The following DHX8 variants were observed in gnomAD, a reference collection of about 807,000 sequenced individuals.
DHX8 encodes ATP-dependent RNA helicase DHX8.
A neutral mutation model predicts 140.7 loss-of-function variants in DHX8; 67 were observed. The ratio of observed to expected loss-of-function variants is 0.48; its 90% CI spans 0.39 to 0.58. DHX8 has a LOEUF of 0.58. Among genes scored for constraint, DHX8 ranks in the 20% least tolerant of loss-of-function variants. The probability of loss-of-function intolerance (pLI) is 0.00; values close to 1 mark genes in which losing one functional copy is unlikely to be tolerated. For synonymous variants in DHX8, 533 were observed against 553.2 expected (o/e 0.96, Z 0.51); for missense variants, 887 against 1,550.7 (o/e 0.57, Z 7.19).
intron 1 of DHX8, among the ~76,000 whole-genome samples, chr17:43,487,778 A>C (rs1278763199): frequency 1.3e-5 from 2 of 151,510 alleles, no homozygotes; most frequent in Non-Finnish European, 3.0e-5. Context: ...GGAGTTCAAG[A>C]CCAGCCTGGC....
chr17:43,492,889 C>T lies in DHX8; in HGVS notation c.712C>T (p.Arg238Trp), dbSNP rs879524424. 1.4e-5 allele frequency: 23 copies of T among 1,614,000 alleles called. No individual in the cohort carries two copies. The highest frequency in any genetic ancestry group is 2.7e-5 in the African/African-American group (2 of 74,910). Reference protein sequence around the residue: ...SQSPPKDRKDRDKYGERNLDR... With the variant: ...SQSPPKDRKDWDKYGERNLDR... ...GAGTCCCCCCAAAGACCGGAAGGACCGGGACAAATATGGAGAGCGGAATCT... is the reference window on the plus strand; with the variant it reads ...GAGTCCCCCCAAAGACCGGAAGGACTGGGACAAATATGGAGAGCGGAATCT... The change falls in exon 6 of 23, where the codon CGG becomes TGG. Residue 238 changes from arginine (R) to tryptophan (W), a missense_variant. Arg to Trp is a moderately radical substitution (Grantham distance 101). Around this residue, in one of 9 missense-constraint regions of DHX8, gnomAD observed 304 missense variants for 306.9 expected, o/e 0.99. Transcript: ENST00000262415.
intron 8 of DHX8, among the ~76,000 whole-genome samples, chr17:43,495,414 G>A (rs1968798476): frequency 1.3e-5 from 2 of 152,096 alleles, no homozygotes; most frequent in Admixed American, 6.5e-5. Flanking sequence ...AATTAGCTGT[G>A]ACCTCAGGCA....
intron 20 of DHX8, 45 bp downstream of exon 20, chr17:43,520,924 G>A: frequency 6.4e-7 from 1 of 1,568,092 alleles, no homozygotes; most frequent in Non-Finnish European, 8.6e-7. Context: ...CCATGAAGTT[G>A]GGGTAGTTGG....
chr17:43,531,015 T>G (rs1970903135), downstream of DHX8, among the ~76,000 whole-genome samples: 1 of 152,146 alleles, frequency 6.6e-6, no homozygotes, highest in African/African-American at 2.4e-5. Flanking sequence ...CTACAGCCTT[T>G]GAAGGTCAGC....
chr17:43,544,673 G>A (rs986109233), downstream of DHX8: 1 of 276,628 alleles, frequency 3.6e-6, no homozygotes, highest in African/African-American at 2.2e-5. Context: ...TTTCAACCAG[G>A]AAAATGGGCC....
chr17:43,510,411 C>G (rs1465711158), intron 16 of DHX8, among the ~76,000 whole-genome samples: 1 of 152,126 alleles, frequency 6.6e-6, no homozygotes, highest in Non-Finnish European at 1.5e-5. Flanking sequence ...GGGATTGGTT[C>G]CAGGACCCCC....
chr17:43,521,061 C>T (rs556345998), intron 20 of DHX8, among the ~76,000 whole-genome samples, 182 bp downstream of exon 20: 1 of 143,358 alleles, frequency 7.0e-6, no homozygotes, highest in South Asian at 2.3e-4. Context: ...CTCCCGGGTT[C>T]AAGCAGTTCT....
intron 3 of DHX8, among the ~76,000 whole-genome samples, chr17:43,541,536 G>A (rs566436837): frequency 1.3e-5 from 2 of 152,036 alleles, no homozygotes; most frequent in African/African-American, 4.8e-5. Context: ...AAAAAGGGGG[G>A]TTAGTAAAAA....
intron 2 of DHX8, among the ~76,000 whole-genome samples, chr17:43,535,018 CATT>C (rs1413102314): frequency 6.6e-6 from 1 of 152,216 alleles, no homozygotes; most frequent in African/African-American, 2.4e-5. Context: ...AGCTGACTAA[CATT>C]ATACACATGC....
chr17:43,491,119 T>G, intron 3 of DHX8, 46 bp from the exon 4 acceptor site: 1 of 830,092 alleles, frequency 1.2e-6, no homozygotes, highest in Non-Finnish European at 1.8e-6. Flanking sequence ...TAATATTAAA[T>G]ATATATCTCT....
At chr17:43,509,602 G>C (rs2035090011) in intron 16 of DHX8, among the ~76,000 whole-genome samples, 1 of 151,918 alleles carries the variant, frequency 6.6e-6, no homozygotes, top group Non-Finnish European at 1.5e-5. Context: ...TCCTGCCTCA[G>C]CCGCCTAAGC....
At chr17:43,493,213 C>T (rs1968641520) in intron 6 of DHX8, among the ~76,000 whole-genome samples, 173 bp downstream of exon 6, 1 of 152,208 alleles carries the variant, frequency 6.6e-6, no homozygotes, top group Non-Finnish European at 1.5e-5. Context: ...TTATTCCTTT[C>T]TCTGTCTTCA....
rs1970409511 is a variant in DHX8 at position 43,522,231 on chromosome 17, G to A, written c.3443+5G>A. 4 of 1,611,950 alleles carry A rather than the reference G, an allele frequency of 2.5e-6. No individual in the cohort carries two copies. The highest frequency in any genetic ancestry group is 3.4e-6 in the Non-Finnish European group (4 of 1,178,474). On this transcript the variant is annotated splice_donor_5th_base_variant and intron_variant, in intron 22 of 22. Coordinates refer to ENST00000262415, the MANE Select transcript of DHX8 (RefSeq NM_004941.3). ...CTTCAACAGACAGCCAGAATGGTAG[G>A]TGGACATGTCCCAGGGTCTAGGGGC...
At chr17:43,495,962 A>G (rs1460457700) in intron 8 of DHX8, among the ~76,000 whole-genome samples, 1 of 151,968 alleles carries the variant, frequency 6.6e-6, no homozygotes, top group Non-Finnish European at 1.5e-5. Flanking sequence ...GCCAGGTATT[A>G]TGGTGTGCGC....
chr17:43,498,393 C>T (rs549231247), intron 9 of DHX8, among the ~76,000 whole-genome samples: 116 of 151,202 alleles, frequency 7.7e-4, no homozygotes, highest in Admixed American at 1.4e-3. Context: ...GTGATCAGCC[C>T]GCCTTAGCCT....
intron 8 of DHX8, 85 bp downstream of exon 8, chr17:43,493,971 G>A: frequency 1.4e-6 from 2 of 1,430,084 alleles, no homozygotes; most frequent in South Asian, 1.2e-5. Context: ...ACGATGGCCT[G>A]GGATAACTTT....
chr17:43,523,868 C>T lies in DHX8; in HGVS notation c.*21C>T. On this transcript the variant is annotated 3_prime_UTR_variant, in exon 23 of 23. Coordinates refer to ENST00000262415, the MANE Select transcript of DHX8 (RefSeq NM_004941.3). ...GCTGAAAGGCAAGATTGTTCCTTTG[C>T]CTCTCCAGCAGCAGTAGCCAGGGCT... 6.2e-7 allele frequency: 1 copy of T among 1,613,836 alleles called. No individual in the cohort carries two copies. The highest frequency in any genetic ancestry group is 8.5e-7 in the Non-Finnish European group (1 of 1,179,866).
chr17:43,503,853 A>G (rs1313475147), intron 11 of DHX8, among the ~76,000 whole-genome samples: 1 of 152,102 alleles, frequency 6.6e-6, no homozygotes, highest in African/African-American at 2.4e-5. Flanking sequence ...AAATACTCTA[A>G]ATAGTGGGGA....
intron 11 of DHX8, among the ~76,000 whole-genome samples, chr17:43,501,159 T>C (rs1419282245): frequency 1.3e-5 from 2 of 152,164 alleles, no homozygotes; most frequent in African/African-American, 4.8e-5. Flanking sequence ...ATCAGTGCCA[T>C]GTGAAGAAGT....
Sources: gnomAD v4.1 joint callset for allele counts (sites outside exome capture counted in the v4.1 genomes callset) on GRCh38, gnomAD v4.1.1 for gene constraint, gnomAD v4.1.1 regional missense constraint, MANE v1.5 for transcripts, NCBI Gene and HGNC (gene_info 2026-07-23, HGNC 2026-07-21) for gene names.